The following TTLL6 variants were observed in gnomAD, a reference collection of about 807,000 sequenced individuals.
TTLL6 encodes the protein tubulin tyrosine ligase like 6.
TTLL6 carries 75 observed loss-of-function variants against 96.4 expected under a neutral mutation model. The observed-to-expected ratio is 0.78, with a 90% CI of 0.65 to 0.94. The LOEUF is 0.94. Ranked by LOEUF, TTLL6 falls within the 40% of genes least tolerant of loss-of-function variation. TTLL6 has a pLI of 0.00. For synonymous variants in TTLL6, 411 were observed against 419.4 expected (o/e 0.98, Z 0.24); for missense variants, 1,030 against 1,093.0 (o/e 0.94, Z 0.81).
At chr17:48,816,060 T>A (rs969672893) in intron 1 of TTLL6, among the ~76,000 whole-genome samples, 1 of 152,226 alleles carries the variant, frequency 6.6e-6, no homozygotes, top group Non-Finnish European at 1.5e-5. Flanking sequence ...ATAATATTCA[T>A]TTTATGGAGC....
chr17:48,780,150 GT>G (rs1301657149), intron 13 of TTLL6, among the ~76,000 whole-genome samples: 1 of 152,014 alleles, frequency 6.6e-6, no homozygotes. Flanking sequence ...CATTTTGTTT[GT>G]TTATTTATTT....
chr17:48,769,483 G>A (rs1047275808), intron 14 of TTLL6, among the ~76,000 whole-genome samples: 1 of 152,206 alleles, frequency 6.6e-6, no homozygotes, highest in Non-Finnish European at 1.5e-5. Flanking sequence ...TCATGTGAAT[G>A]AGAACCAGGA....
chr17:48,799,885 G>T, intron 5 of TTLL6, 125 bp from the exon 6 acceptor site: 1 of 833,116 alleles, frequency 1.2e-6, no homozygotes, highest in African/African-American at 1.7e-5. Flanking sequence ...ACTGACAGAT[G>T]CCCAGAGGTC....
At chr17:48,806,502 C>T (rs762217096) in intron 1 of TTLL6, among the ~76,000 whole-genome samples, 3 of 152,124 alleles carry the variant, frequency 2.0e-5, no homozygotes, top group Admixed American at 6.6e-5. Context: ...AACCTCCTCA[C>T]ATTTCAACCC....
intron 13 of TTLL6, among the ~76,000 whole-genome samples, chr17:48,773,198 T>A (rs2038786622): frequency 7.9e-6 from 1 of 126,336 alleles, no homozygotes; most frequent in African/African-American, 3.1e-5. Context: ...ACCTAAGAAG[T>A]CTGTGAGACA....
intron 1 of TTLL6, 41 bp from the exon 2 acceptor site, chr17:48,805,032 C>T: frequency 6.8e-7 from 1 of 1,471,622 alleles, no homozygotes; most frequent in South Asian, 1.2e-5. Context: ...CAGAGATCCA[C>T]CTGCAGGGGG....
At chr17:48,796,557 T>G (rs1042540759) in intron 7 of TTLL6, among the ~76,000 whole-genome samples, 3 of 150,032 alleles carry the variant, frequency 2.0e-5, no homozygotes, top group African/African-American at 7.4e-5. Flanking sequence ...AGGCAGAGGT[T>G]GCAATGAGCC....
intron 13 of TTLL6, among the ~76,000 whole-genome samples, chr17:48,771,228 G>A (rs1174735368): frequency 2.0e-5 from 3 of 152,094 alleles, no homozygotes; most frequent in Admixed American, 1.3e-4. Context: ...AGGATCTCAG[G>A]GGACCCAATA....
At chr17:48,792,883 T>C (rs1210093360) in intron 8 of TTLL6, among the ~76,000 whole-genome samples, 6 of 152,178 alleles carry the variant, frequency 3.9e-5, no homozygotes, top group Non-Finnish European at 8.8e-5. Context: ...TTTCCTGAAA[T>C]AGATTATACA....
chr17:48,794,082 C>T, intron 8 of TTLL6: 1 of 1,482,758 alleles, frequency 6.7e-7, no homozygotes, highest in Non-Finnish European at 9.2e-7. Flanking sequence ...GCCACGGGGG[C>T]ACACGGCTGC....
intron 1 of TTLL6, among the ~76,000 whole-genome samples, chr17:48,810,825 GTATATATATATATA>G (rs1555569643): frequency 4.7e-5 from 4 of 84,340 alleles, no homozygotes; most frequent in African/African-American, 8.1e-5. Context: ...GTATGTGTGT[GTATATATATATATA>G]TATATATATA....
At chr17:48,774,691 G>T (rs868701903) in intron 13 of TTLL6, among the ~76,000 whole-genome samples, 1 of 151,878 alleles carries the variant, frequency 6.6e-6, no homozygotes, top group Non-Finnish European at 1.5e-5. Context: ...ACAAACTGCC[G>T]AAATTCATTC....
At chr17:48,797,302 A>G (rs1471292193) in intron 6 of TTLL6, 98 bp from the exon 7 acceptor site, 3 of 1,329,758 alleles carry the variant, frequency 2.3e-6, no homozygotes, top group African/African-American at 1.5e-5. Context: ...TGGCTCCAAC[A>G]TTGCCTAGTG....
chr17:48,804,021 C>T, intron 2 of TTLL6, 93 bp from the exon 3 acceptor site: 2 of 1,444,146 alleles, frequency 1.4e-6, no homozygotes, highest in Non-Finnish European at 1.9e-6. Context: ...CCAGGTGGAG[C>T]TGTCTGAAAT....
Position 48,772,859 on chromosome 17 carries a change from G to A in TTLL6, c.2041-2762C>T, listed in dbSNP as rs2143211389. On this transcript the variant is annotated intron_variant, in intron 13 of 15. Transcript: ENST00000393382. ...ATATGTACAAAAACTACAAAGATTA[G>A]CCAAGCATGGTGGCATGCACCTGTG... Among the ~76,000 whole-genome samples, 4 of 152,040 alleles carry A rather than the reference G, an allele frequency of 2.6e-5. 1 individual carries two copies. In the South Asian group the frequency reaches 8.3e-4, roughly 32 times the overall value.
intron 13 of TTLL6, among the ~76,000 whole-genome samples, chr17:48,774,876 C>T (rs1242663665): frequency 3.9e-5 from 6 of 152,014 alleles, no homozygotes; most frequent in Non-Finnish European, 8.8e-5. Flanking sequence ...CTCATGCCTA[C>T]AATCCCAGCA....
At chr17:48,788,349 T>C (rs1022354658) in intron 10 of TTLL6, among the ~76,000 whole-genome samples, 2 of 152,272 alleles carry the variant, frequency 1.3e-5, no homozygotes, top group East Asian at 3.9e-4. Context: ...TTCTAGAGAG[T>C]GGCAACTTGC....
intron 1 of TTLL6, among the ~76,000 whole-genome samples, chr17:48,808,128 G>A (rs929826362): frequency 4.6e-5 from 7 of 152,204 alleles, no homozygotes; most frequent in Admixed American, 2.0e-4. Context: ...GTGAGCCACC[G>A]CGCCCGGCCA....
At chr17:48,814,145 C>T (rs1423430162) in intron 1 of TTLL6, among the ~76,000 whole-genome samples, 1 of 151,752 alleles carries the variant, frequency 6.6e-6, no homozygotes, top group African/African-American at 2.4e-5. Flanking sequence ...ATGGTGAAAC[C>T]CCGTCTCTAC....
Sources: gnomAD v4.1 joint callset for allele counts (sites outside exome capture counted in the v4.1 genomes callset) on GRCh38, gnomAD v4.1.1 for gene constraint, MANE v1.5 for transcripts, NCBI Gene and HGNC (gene_info 2026-07-23, HGNC 2026-07-21) for gene names.